Variants in PTPRN2 observed in about 807,000 individuals in gnomAD.
The protein encoded by PTPRN2 is receptor-type tyrosine-protein phosphatase N2.
PTPRN2 carries 74 observed loss-of-function variants against 118.8 expected under a neutral mutation model. That is an observed-to-expected ratio of 0.62 (90% CI 0.52 to 0.76). The LOEUF (loss-of-function observed/expected upper bound fraction) is 0.76. Among genes scored for constraint, PTPRN2 ranks in the 30% least tolerant of loss-of-function variants. PTPRN2 has a pLI of 0.00. For missense variants in PTPRN2, 1,481 were observed against 1,394.4 expected, an observed-to-expected ratio of 1.06 and a Z score of -0.99; for synonymous variants, 641 against 608.0, an observed-to-expected ratio of 1.05 and a Z score of -0.80.
At position 158,380,930 on chromosome 7, in the gene PTPRN2, C is replaced by T. The variant is rs184703619; in HGVS notation, c.164-63998G>A. Among the ~76,000 whole-genome samples, 990 of 152,382 alleles carry T rather than the reference C, an allele frequency of 6.5e-3. 11 individuals are homozygous for T. Among genetic ancestry groups the T allele is most frequent in the Non-Finnish European group, 7.3e-3 (496 of 68,042 alleles). On this transcript the variant is annotated intron_variant, in intron 2 of 22. Coordinates refer to ENST00000389418, the MANE Select transcript of PTPRN2 (RefSeq NM_002847.5). ...GCCAAGGCTTGGGGCTTGCCCCCCT[C>T]TGAAGCCACAGCCTGAGCTCCACAT...
chr7:158,506,989 A>G (rs914062593), intron 1 of PTPRN2, among the ~76,000 whole-genome samples: 1 of 152,180 alleles, frequency 6.6e-6, no homozygotes, highest in Non-Finnish European at 1.5e-5. Context: ...AGGGATTCCA[A>G]CCTGACTAGA....
At chr7:158,315,797 C>T (rs1802272029) in intron 3 of PTPRN2, among the ~76,000 whole-genome samples, 1 of 152,200 alleles carries the variant, frequency 6.6e-6, no homozygotes, top group Non-Finnish European at 1.5e-5. Flanking sequence ...GTATGAAGTA[C>T]TAAGATATGA....
At position 157,985,429 on chromosome 7, in the gene PTPRN2, C is replaced by T. The variant is rs187026942; in HGVS notation, c.1724-86692G>A. ...AGTAATTTCTATGGAAAACAGCCGT[C>T]AGACAGTCATCCTGGCCCAAGGTGA... On this transcript the variant is annotated intron_variant, in intron 11 of 22. Transcript: ENST00000389418. Among the ~76,000 whole-genome samples the T allele has an allele frequency of 3.3e-3, 495 of 152,278 alleles. 4 individuals carry two copies. The highest frequency in any genetic ancestry group is 0.013 in the South Asian group (63 of 4,822).
At chr7:158,495,277 C>T (rs547725805) in intron 1 of PTPRN2, among the ~76,000 whole-genome samples, 18 of 152,312 alleles carry the variant, frequency 1.2e-4, no homozygotes, top group African/African-American at 3.8e-4. Flanking sequence ...TTCCTAGGAA[C>T]GAACGCATCA....
At chr7:157,567,960 T>G (rs1479491225) in intron 21 of PTPRN2, among the ~76,000 whole-genome samples, 1 of 152,178 alleles carries the variant, frequency 6.6e-6, no homozygotes, top group Non-Finnish European at 1.5e-5. Context: ...AGACTCAGTG[T>G]GTGCCTCCTC....
intron 11 of PTPRN2, among the ~76,000 whole-genome samples, chr7:157,938,565 C>T (rs553778877): frequency 6.6e-6 from 1 of 152,366 alleles, no homozygotes; most frequent in African/African-American, 2.4e-5. Context: ...CACACAACAA[C>T]ACCCAAAGGC....
intron 12 of PTPRN2, among the ~76,000 whole-genome samples, chr7:157,755,771 C>T (rs1783352226): frequency 6.6e-6 from 1 of 152,104 alleles, no homozygotes; most frequent in African/African-American, 2.4e-5. Flanking sequence ...AAAAAACCAC[C>T]CCTTGGCTAC....
intron 1 of PTPRN2, among the ~76,000 whole-genome samples, chr7:158,506,695 C>A (rs1471523472): frequency 2.0e-5 from 3 of 151,806 alleles, no homozygotes; most frequent in Non-Finnish European, 4.4e-5. Context: ...GCAGGAAGGG[C>A]CCCGATCCTC....
At chr7:158,255,090 G>A (rs1438084369) in intron 3 of PTPRN2, among the ~76,000 whole-genome samples, 2 of 152,164 alleles carry the variant, frequency 1.3e-5, no homozygotes, top group East Asian at 3.9e-4. Context: ...TTCTGGTGTT[G>A]AGTGACACAG....
chr7:158,072,053 G>A (rs1177794496), intron 11 of PTPRN2, among the ~76,000 whole-genome samples: 7 of 144,344 alleles, frequency 4.8e-5, no homozygotes, highest in Admixed American at 6.8e-5. Flanking sequence ...GGTGGTGGAG[G>A]TTCCCGTGGT....
At chr7:158,284,055 C>A (rs1799610041) in intron 3 of PTPRN2, among the ~76,000 whole-genome samples, 1 of 152,202 alleles carries the variant, frequency 6.6e-6, no homozygotes, top group African/African-American at 2.4e-5. Context: ...TAGCTATATT[C>A]GATGTCGTTG....
chr7:157,704,850 G>A (rs1218750773), intron 12 of PTPRN2, among the ~76,000 whole-genome samples: 1 of 152,228 alleles, frequency 6.6e-6, no homozygotes, highest in Non-Finnish European at 1.5e-5. Flanking sequence ...AAGCCCCAGA[G>A]TGTGTGTCTG....
chr7:157,788,394 A>G (rs1804215148), intron 12 of PTPRN2, among the ~76,000 whole-genome samples: 1 of 150,454 alleles, frequency 6.6e-6, no homozygotes, highest in African/African-American at 2.4e-5. Flanking sequence ...AAAAAAAAAG[A>G]AAGTACAGGA....
chr7:158,572,281 T>C (rs1299327254), intron 1 of PTPRN2, among the ~76,000 whole-genome samples: 1 of 152,224 alleles, frequency 6.6e-6, no homozygotes, highest in Non-Finnish European at 1.5e-5. Context: ...GATAAACATA[T>C]GAATTCCCCT....
chr7:158,253,876 C>T (rs368841046), intron 3 of PTPRN2, among the ~76,000 whole-genome samples: 2 of 145,406 alleles, frequency 1.4e-5, no homozygotes, highest in African/African-American at 2.6e-5. Flanking sequence ...TGTAACTGCA[C>T]GGCGGCACAG....
chr7:158,314,223 T>C (rs1285139878), intron 3 of PTPRN2, among the ~76,000 whole-genome samples: 2 of 152,184 alleles, frequency 1.3e-5, no homozygotes, highest in South Asian at 2.1e-4. Flanking sequence ...CCCATTCTCA[T>C]TGAAAGACCC....
intron 3 of PTPRN2, among the ~76,000 whole-genome samples, chr7:158,307,060 T>A (rs1367820017): frequency 6.6e-6 from 1 of 151,796 alleles, no homozygotes; most frequent in East Asian, 1.9e-4. Context: ...AGAGACGGGG[T>A]TTCACCATGT....
intron 1 of PTPRN2, among the ~76,000 whole-genome samples, chr7:158,495,012 C>T (rs760374152): frequency 4.6e-5 from 7 of 152,148 alleles, no homozygotes; most frequent in Non-Finnish European, 7.3e-5. Context: ...CACTCTGTGT[C>T]TTTGTCCTGT....
At chr7:157,691,627 G>A (rs1405117339) in intron 12 of PTPRN2, among the ~76,000 whole-genome samples, 1 of 152,244 alleles carries the variant, frequency 6.6e-6, no homozygotes, top group Non-Finnish European at 1.5e-5. Context: ...AAACGCCGAA[G>A]GGAGACGGCG....
Sources: allele counts gnomAD v4.1 joint callset (sites outside exome capture counted in the v4.1 genomes callset), GRCh38; gene constraint gnomAD v4.1.1; transcripts MANE v1.5; gene names NCBI Gene and HGNC (gene_info 2026-07-23, HGNC 2026-07-21).